SEMA6D: variants seen among roughly 807,000 people sequenced by gnomAD.
The protein encoded by SEMA6D is semaphorin-6D.
SEMA6D carries 35 observed loss-of-function variants against 106.6 expected under a neutral mutation model. The observed-to-expected ratio is 0.33, with a 90% confidence interval of 0.25 to 0.44. The LOEUF (loss-of-function observed/expected upper bound fraction) is 0.44, where lower values mean the gene tolerates loss of function less well. SEMA6D is among the 20% of genes least tolerant of loss of function. SEMA6D has a pLI of 1.00. For missense variants in SEMA6D, 1,185 were observed against 1,345.9 expected, an observed-to-expected ratio of 0.88 and a Z score of 1.87; for synonymous variants, 499 against 487.7, an observed-to-expected ratio of 1.02 and a Z score of -0.31.
intron 4 of SEMA6D, among the ~76,000 whole-genome samples, chr15:47,669,606 C>G (rs1048576525): frequency 3.3e-5 from 5 of 152,210 alleles, no homozygotes; most frequent in African/African-American, 1.2e-4. Context: ...CTTACCCTAG[C>G]CTTTTCCATT....
Position 47,763,921 on chromosome 15 carries a change from C to T in SEMA6D, c.819C>T (p.His273=). Residue 273 remains histidine (H), a synonymous_variant, in exon 10 of 19, where the codon CAC becomes CAT. Transcript: ENST00000536845. ...MGGSQRVLEK[H]WTSFLKARLN... ...GTTCCCAGCGGGTCCTGGAGAAACA[C>T]TGGACTTCATTTCTAAAGGCTCGGC... The T allele has an allele frequency of 6.2e-7, 1 of 1,613,958 alleles. No homozygotes were observed. The highest frequency in any genetic ancestry group is 8.5e-7 in the Non-Finnish European group (1 of 1,179,884).
chr15:47,627,855 A>G (rs2077229683), intron 4 of SEMA6D, among the ~76,000 whole-genome samples: 1 of 152,060 alleles, frequency 6.6e-6, no homozygotes, highest in Non-Finnish European at 1.5e-5. Flanking sequence ...TCCCTCCCTG[A>G]CCACTGACCC....
At chr15:47,557,776 T>C (rs1286472802) in intron 3 of SEMA6D, among the ~76,000 whole-genome samples, 1 of 152,198 alleles carries the variant, frequency 6.6e-6, no homozygotes, top group Non-Finnish European at 1.5e-5. Context: ...TTAACATCTC[T>C]TCATCAAAGG....
chr15:47,285,423 C>A (rs1365460990), intron 1 of SEMA6D, among the ~76,000 whole-genome samples: 1 of 151,564 alleles, frequency 6.6e-6, no homozygotes, highest in Non-Finnish European at 1.5e-5. Context: ...GAGGAGTTCA[C>A]AGTTTGTTTG....
intron 1 of SEMA6D, among the ~76,000 whole-genome samples, chr15:47,392,495 G>T (rs1355223324): frequency 1.5e-5 from 2 of 130,406 alleles, no homozygotes; most frequent in Non-Finnish European, 3.1e-5. Flanking sequence ...ATGCTATGCT[G>T]CTGGCTTTGA....
chr15:47,448,595 G>T (rs2042096205), intron 2 of SEMA6D, among the ~76,000 whole-genome samples: 1 of 152,124 alleles, frequency 6.6e-6, no homozygotes, highest in Non-Finnish European at 1.5e-5. Flanking sequence ...CCTAAGCAGG[G>T]CCTCCTTGTT....
intron 1 of SEMA6D, chr15:47,359,912 T>C (rs2038735179): frequency 6.6e-6 from 1 of 152,188 alleles, no homozygotes; most frequent in Non-Finnish European, 1.5e-5. Flanking sequence ...TGCTGAAAGA[T>C]GGTAGGGCAA....
intron 1 of SEMA6D, among the ~76,000 whole-genome samples, chr15:47,307,573 G>C (rs78223308): frequency 0.022 from 3,384 of 151,902 alleles, 82 homozygotes; most frequent in South Asian, 0.11. Flanking sequence ...TTTGAGCTTA[G>C]TACATCTCAT....
At chr15:47,595,106 T>C (rs1361377287) in intron 3 of SEMA6D, among the ~76,000 whole-genome samples, 1 of 152,132 alleles carries the variant, frequency 6.6e-6, no homozygotes, top group Admixed American at 6.5e-5. Context: ...GTTTTGGGGT[T>C]TGCCAATAGG....
At chr15:47,436,620 T>C (rs1290874703) in intron 2 of SEMA6D, among the ~76,000 whole-genome samples, 1 of 150,774 alleles carries the variant, frequency 6.6e-6, no homozygotes, top group East Asian at 2.0e-4. Flanking sequence ...AATGATTACT[T>C]GGTGCCAACA....
chr15:47,666,669 C>T (rs12439175), intron 4 of SEMA6D, among the ~76,000 whole-genome samples: 2 of 152,214 alleles, frequency 1.3e-5, no homozygotes, highest in South Asian at 4.2e-4. Flanking sequence ...TATCAAAATA[C>T]AGCTAAATTG....
intron 1 of SEMA6D, among the ~76,000 whole-genome samples, chr15:47,318,457 C>T (rs1272244186): frequency 7.2e-6 from 1 of 138,604 alleles, no homozygotes; most frequent in African/African-American, 2.7e-5. Context: ...GTGATGTTCC[C>T]CTTCGTGTGT....
At chr15:47,535,852 G>T (rs114963478) in intron 3 of SEMA6D, among the ~76,000 whole-genome samples, 1,679 of 152,178 alleles carry the variant, frequency 0.011, 22 homozygotes, top group African/African-American at 0.038. Flanking sequence ...TGTGAAGATT[G>T]AATGAATCTT....
chr15:47,301,303 A>G (rs1429622465), intron 1 of SEMA6D, among the ~76,000 whole-genome samples: 4 of 152,238 alleles, frequency 2.6e-5, no homozygotes, highest in Non-Finnish European at 4.4e-5. Context: ...TCAAGAGTGA[A>G]CATGCATCAG....
Position 47,586,629 on chromosome 15 carries a change from C to T in SEMA6D, c.-86-14236C>T, listed in dbSNP as rs116227608. ...CATTATATACAGAAGATTTTACTTT[C>T]GGAAACCAACAGCATTTTACAATGG... On this transcript the variant is annotated intron_variant, in intron 3 of 19. Coordinates refer to the SEMA6D transcript ENST00000558014. 5.6e-3 allele frequency among the ~76,000 whole-genome samples: 858 copies of T among 152,178 alleles called. 8 individuals are homozygous for T. Among genetic ancestry groups the T allele is most frequent in the African/African-American group, 0.02 (821 of 41,506 alleles).
intron 1 of SEMA6D, among the ~76,000 whole-genome samples, chr15:47,325,074 T>A (rs1474190964): frequency 6.6e-6 from 1 of 152,228 alleles, no homozygotes; most frequent in Admixed American, 6.5e-5. Flanking sequence ...CAATCAGTTG[T>A]TTTTGTATAG....
intron 1 of SEMA6D, among the ~76,000 whole-genome samples, chr15:47,378,353 A>C (rs1421599100): frequency 6.6e-6 from 1 of 152,168 alleles, no homozygotes; most frequent in South Asian, 2.1e-4. Flanking sequence ...AAAATTAGCC[A>C]GGCGTGGTGG....
At chr15:47,265,026 G>C (rs1236631735) in intron 1 of SEMA6D, among the ~76,000 whole-genome samples, 2 of 151,804 alleles carry the variant, frequency 1.3e-5, no homozygotes, top group African/African-American at 2.4e-5. Flanking sequence ...GAATCTTCTT[G>C]AGGATTTTAT....
chr15:47,202,389 G>A (rs1894780756), intron 1 of SEMA6D, among the ~76,000 whole-genome samples: 1 of 152,002 alleles, frequency 6.6e-6, no homozygotes, highest in South Asian at 2.1e-4. Context: ...AAATGGCAGA[G>A]TTTAACTGGT....
Sources: gnomAD v4.1 joint callset for allele counts (sites outside exome capture counted in the v4.1 genomes callset) on GRCh38, gnomAD v4.1.1 for gene constraint, MANE v1.5 for transcripts, NCBI Gene and HGNC (gene_info 2026-07-23, HGNC 2026-07-21) for gene names.